QTRT1: variants seen among roughly 807,000 people sequenced by gnomAD.
QTRT1 encodes queuine tRNA-ribosyltransferase catalytic subunit 1, also known as TGT, 43-KD subunit.
In QTRT1, 41 loss-of-function variants were observed where a neutral mutation model predicts 44.0. The ratio of observed to expected loss-of-function variants is 0.93; its 90% CI spans 0.73 to 1.21. The LOEUF is 1.21. Ranked by LOEUF, QTRT1 falls within the 50% of genes most tolerant of loss-of-function variation. QTRT1 has a pLI of 0.00. For synonymous variants in QTRT1, 226 were observed against 237.1 expected, an observed-to-expected ratio of 0.95 and a Z score of 0.43; for missense variants, 542 against 575.8, an observed-to-expected ratio of 0.94 and a Z score of 0.60.
At chr19:10,708,301 T>G (rs2068723941) in intron 5 of QTRT1, among the ~76,000 whole-genome samples, 1 of 151,986 alleles carries the variant, frequency 6.6e-6, no homozygotes, top group Non-Finnish European at 1.5e-5. Context: ...ACTCTGTTGC[T>G]CCTCCTGGAG....
exon 10 of QTRT1, chr19:10,713,364 TAC>T (rs2068749063): frequency 7.0e-7 from 1 of 1,430,738 alleles, no homozygotes; most frequent in Non-Finnish European, 9.6e-7. This position sits in a 1 kb window ranked among gnomAD's most constrained non-coding sequence, Gnocchi z 4.3. Flanking sequence ...TATTGTAACT[TAC>T]AGAGTGTGTC....
In QTRT1 at chr19:10,701,645, T is replaced by G; in HGVS notation, c.185T>G (p.Leu62Arg). 1 of 1,598,254 alleles carries G rather than the reference T, an allele frequency of 6.3e-7. No homozygotes were observed. Among genetic ancestry groups the G allele is most frequent in the African/African-American group, 1.3e-5 (1 of 74,694 alleles). Residue 62 changes from leucine (L) to arginine (R), a missense_variant, in exon 1 of 10, where the codon CTG becomes CGG. By Grantham distance (102) the Leu-to-Arg change is moderately radical. Transcript: ENST00000250237. The stretch of plus-strand genomic sequence containing the variant: ...ATGAAGGGCATCACGACCGAACAGC[T>G]GGACGCTCTGGGTTGCCGCATCTGC... ...ATMKGITTEQ[L>R]DALGCRICLG...
At chr19:10,707,436 C>T (rs1327133143) in intron 4 of QTRT1, 56 bp downstream of exon 4, 2 of 1,610,350 alleles carry the variant, frequency 1.2e-6, no homozygotes, top group African/African-American at 2.7e-5. Flanking sequence ...ATCCTGGTCC[C>T]TGTAGCCTTG....
chr19:10,703,842 A>G (rs1423541533), intron 3 of QTRT1, among the ~76,000 whole-genome samples: 1 of 145,978 alleles, frequency 6.9e-6, no homozygotes, highest in East Asian at 2.1e-4. Context: ...TTTTATGTTT[A>G]TTTATTTTTA....
chr19:10,708,033 T>C lies in QTRT1; in HGVS notation c.646+418T>C, dbSNP rs566831615. Among the ~76,000 whole-genome samples, 30 of 151,582 alleles carry C rather than the reference T, an allele frequency of 2.0e-4. 1 individual carries two copies. The South Asian group carries it at 6.2e-3, about 32-fold the overall frequency. On this transcript the variant is annotated intron_variant, in intron 5 of 9. Transcript: ENST00000250237. The stretch of plus-strand genomic sequence containing the variant: ...CGCGATCTCGGCTCACTGCAACCTC[T>C]GCCTCCCTGCAACCTCCGCCTCCCG...
In QTRT1 at chr19:10,713,290, G is replaced by A; in HGVS notation, c.*20G>A. The A allele has an allele frequency of 3.2e-6, 5 of 1,580,340 alleles. No homozygotes were observed. The South Asian group carries it at 4.6e-5, about 15-fold the overall frequency. Reference sequence around the variant, plus strand: ...GGCTGACCTGGCATTGGGAGAGGGAGGGAGGAAGGAAGGGAGGGAGGGGCT... The same window carrying A: ...GGCTGACCTGGCATTGGGAGAGGGAAGGAGGAAGGAAGGGAGGGAGGGGCT... On this transcript the variant is annotated 3_prime_UTR_variant, in exon 10 of 10. Transcript: ENST00000250237. This position sits in a 1 kb window ranked among gnomAD's most constrained non-coding sequence, Gnocchi z 4.3.
At chr19:10,702,575 G>A (rs1485906153) in intron 3 of QTRT1, among the ~76,000 whole-genome samples, 4 of 151,882 alleles carry the variant, frequency 2.6e-5, no homozygotes, top group Admixed American at 2.0e-4. Flanking sequence ...AAACTGAGGC[G>A]GGAAGATCAC....
In QTRT1 at chr19:10,713,002, G is replaced by A. The variant is rs756496433; in HGVS notation, c.1021G>A (p.Ala341Thr). 9 of 1,611,732 alleles carry A rather than the reference G, an allele frequency of 5.6e-6. No homozygotes were observed. The highest frequency in any genetic ancestry group is 2.2e-5 in the East Asian group (1 of 44,878). The change falls in exon 9 of 10, where the codon GCG becomes ACG. Residue 341 changes from alanine to threonine, a missense_variant. Coordinates refer to ENST00000250237, the MANE Select transcript of QTRT1 (RefSeq NM_031209.3). This position sits in a 1 kb window ranked among gnomAD's most constrained non-coding sequence, Gnocchi z 4.3. ...HALLHSDNTAALHHLTVHNIA... is the reference protein window; with the variant it reads ...HALLHSDNTATLHHLTVHNIA... ...ACTGCTGCACAGTGACAACACGGCCGCGCTGCACCACCTCACGGTCCACAA... is the reference window on the plus strand; with the variant it reads ...ACTGCTGCACAGTGACAACACGGCCACGCTGCACCACCTCACGGTCCACAA...
chr19:10,711,873 C>A, intron 5 of QTRT1: 1 of 529,182 alleles, frequency 1.9e-6, no homozygotes, highest in Non-Finnish European at 3.4e-6. Context: ...GTGGGCTGTG[C>A]CTCTTCTGAG....
chr19:10,703,116 G>A (rs1304415058), intron 3 of QTRT1, among the ~76,000 whole-genome samples: 3 of 133,176 alleles, frequency 2.3e-5, no homozygotes, highest in Non-Finnish European at 4.6e-5. Context: ...AGGCTGGAGT[G>A]CAATGGTGTG....
chr19:10,709,693 G>C (rs1195197926), intron 5 of QTRT1, among the ~76,000 whole-genome samples: 1 of 151,970 alleles, frequency 6.6e-6, no homozygotes, highest in Non-Finnish European at 1.5e-5. Flanking sequence ...CTAAAAAATA[G>C]AAAAAATTAG....
Position 10,702,111 on chromosome 19 carries a change from C to G in QTRT1, c.313-5C>G. Reference sequence around the variant, plus strand: ...CTGACAGCTTTGCGGTGGGGTTTCCCTTAGGACAGCGGCGGTTTCCAGATG... The same window carrying G: ...CTGACAGCTTTGCGGTGGGGTTTCCGTTAGGACAGCGGCGGTTTCCAGATG... On this transcript the variant is annotated splice_polypyrimidine_tract_variant and splice_region_variant and intron_variant, in intron 2 of 9. Transcript: ENST00000250237. 2 of 1,614,094 alleles carry G rather than the reference C, an allele frequency of 1.2e-6. No individual in the cohort carries two copies. The highest frequency in any genetic ancestry group is 1.7e-6 in the Non-Finnish European group (2 of 1,180,016).
chr19:10,712,117 C>A lies in QTRT1; in HGVS notation c.647-44C>A, dbSNP rs746363767. On this transcript the variant is annotated intron_variant, in intron 5 of 9. Coordinates refer to ENST00000250237, the MANE Select transcript of QTRT1 (RefSeq NM_031209.3). The surrounding 1 kb of genome is among the most constrained non-coding windows in gnomAD (Gnocchi z 5.6). ...GTGTGTTCTGGGATTGAAGACCAGG[C>A]GCATTTCCTCTTCTGTGGCCCTCAC... 1.4e-5 allele frequency: 22 copies of A among 1,608,796 alleles called. No individual in the cohort carries two copies. The highest frequency in any genetic ancestry group is 2.7e-5 in the African/African-American group (2 of 74,862).
In QTRT1 at chr19:10,712,115, G is replaced by A. The variant is rs779358733; in HGVS notation, c.647-46G>A. 25 of 1,608,808 alleles carry A rather than the reference G, an allele frequency of 1.6e-5. No individual in the cohort carries two copies. The East Asian group carries it at 5.6e-4, about 36-fold the overall frequency. On this transcript the variant is annotated intron_variant, in intron 5 of 9. Coordinates refer to ENST00000250237, the MANE Select transcript of QTRT1 (RefSeq NM_031209.3). The surrounding 1 kb of genome is among the most constrained non-coding windows in gnomAD (Gnocchi z 5.6). ...GGGTGTGTTCTGGGATTGAAGACCAGGCGCATTTCCTCTTCTGTGGCCCTC... is the reference window on the plus strand; with the variant it reads ...GGGTGTGTTCTGGGATTGAAGACCAAGCGCATTTCCTCTTCTGTGGCCCTC...
In QTRT1 at chr19:10,701,480, A is replaced by G. The variant is rs1450194545; in HGVS notation, c.20A>G (p.Gln7Arg). MAGAAT[Q>R]ASLESAPRIM... Reference sequence around the variant, plus strand: ...GTCAAGATGGCGGGAGCAGCTACCCAGGCTTCCCTGGAGTCGGCCCCACGG... The same window carrying G: ...GTCAAGATGGCGGGAGCAGCTACCCGGGCTTCCCTGGAGTCGGCCCCACGG... The change falls in exon 1 of 10, where the codon CAG becomes CGG. Residue 7 changes from glutamine to arginine, a missense_variant. Physicochemically the swap from Gln to Arg is conservative, Grantham distance 43. Transcript: ENST00000250237. The G allele has an allele frequency of 6.4e-7, 1 of 1,563,082 alleles. No homozygotes were observed. Among genetic ancestry groups the G allele is most frequent in the Non-Finnish European group, 8.7e-7 (1 of 1,151,066 alleles).
At chr19:10,704,417 C>T (rs572341631) in intron 3 of QTRT1, among the ~76,000 whole-genome samples, 262 of 151,454 alleles carry the variant, frequency 1.7e-3, no homozygotes, top group Non-Finnish European at 2.5e-3. Flanking sequence ...CCTCAGCCTC[C>T]GGAGTAGCTG....
Position 10,707,240 on chromosome 19 carries a change from C to T in QTRT1, c.452-62C>T, listed in dbSNP as rs550687808. Reference sequence around the variant, plus strand: ...GGAAGTCCAACTTGTCCCCATGTGACGGCAGGCTTTCCCCAAGCATTGCGG... The same window carrying T: ...GGAAGTCCAACTTGTCCCCATGTGATGGCAGGCTTTCCCCAAGCATTGCGG... On this transcript the variant is annotated intron_variant, in intron 3 of 9. Transcript: ENST00000250237. 1.7e-4 allele frequency: 267 copies of T among 1,547,164 alleles called. 4 individuals carry two copies. In the African/African-American group the frequency reaches 1.9e-3, roughly 11 times the overall value.
intron 5 of QTRT1, among the ~76,000 whole-genome samples, chr19:10,710,657 C>T (rs1031983207): frequency 2.0e-5 from 3 of 151,714 alleles, no homozygotes; most frequent in African/African-American, 7.3e-5. Flanking sequence ...CGTGGTGGCT[C>T]ATGCCTGTAA....
intron 5 of QTRT1, among the ~76,000 whole-genome samples, chr19:10,708,347 A>T (rs1279055321): frequency 6.6e-6 from 1 of 151,554 alleles, no homozygotes; most frequent in Non-Finnish European, 1.5e-5. Context: ...GCAGCCTCAA[A>T]CTCCTGGGAT....
Sources: allele counts gnomAD v4.1 joint callset (sites outside exome capture counted in the v4.1 genomes callset), GRCh38; gene constraint gnomAD v4.1.1; non-coding constraint Gnocchi (gnomAD v3.1); transcripts MANE v1.5; gene names NCBI Gene and HGNC (gene_info 2026-07-23, HGNC 2026-07-21).